Variants in ATRNL1 observed in about 807,000 individuals in gnomAD.
The protein encoded by ATRNL1 is attractin like 1, also known as attractin-like protein 1.
Under a neutral mutation model 182.7 loss-of-function variants are expected in ATRNL1, and 95 were observed. The observed-to-expected ratio is 0.52, with a 90% CI of 0.44 to 0.62. The LOEUF is 0.62. Ranked by LOEUF, ATRNL1 falls within the 20% of genes least tolerant of loss-of-function variation. ATRNL1 has a pLI of 0.00. For missense variants in ATRNL1, 1,471 were observed against 1,679.5 expected (o/e 0.88, Z 2.17); for synonymous variants, 576 against 568.3 (o/e 1.01, Z -0.19).
intron 19 of ATRNL1, among the ~76,000 whole-genome samples, chr10:115,348,410 C>G (rs182436132): frequency 3.9e-4 from 60 of 152,134 alleles, no homozygotes; most frequent in African/African-American, 1.4e-3. Flanking sequence ...CTCCCTAATC[C>G]TAGCTATTAT....
intron 10 of ATRNL1, among the ~76,000 whole-genome samples, chr10:115,247,123 G>A (rs183447823): frequency 2.6e-5 from 4 of 152,108 alleles, no homozygotes; most frequent in Admixed American, 1.3e-4. Flanking sequence ...GCAAAAGGCC[G>A]CAACAGCACA....
At chr10:115,227,558 C>T (rs1455739867) in intron 9 of ATRNL1, among the ~76,000 whole-genome samples, 1 of 152,154 alleles carries the variant, frequency 6.6e-6, no homozygotes, top group African/African-American at 2.4e-5. Context: ...AATCCCATTA[C>T]TGGGTATATG....
chr10:115,697,221 A>C (rs565691869), intron 26 of ATRNL1, among the ~76,000 whole-genome samples: 2 of 152,096 alleles, frequency 1.3e-5, no homozygotes, highest in African/African-American at 4.8e-5. Flanking sequence ...AAAAGTGTTC[A>C]TGTCCTTTGC....
rs78540860 is a variant in ATRNL1 at position 115,413,562 on chromosome 10, T to C, written c.3270-12688T>C. ...ATGGACTCATGAATTCCTGTTTTTT[T>C]CCCAATGATTTATAATTCACTAATG... On this transcript the variant is annotated intron_variant, in intron 20 of 28. Transcript: ENST00000355044. Among the ~76,000 whole-genome samples the C allele has an allele frequency of 3.7e-3, 569 of 152,254 alleles. 2 individuals carry two copies. The highest frequency in any genetic ancestry group is 6.4e-3 in the Non-Finnish European group (434 of 67,976).
intron 26 of ATRNL1, among the ~76,000 whole-genome samples, chr10:115,607,055 T>C (rs999436944): frequency 2.6e-5 from 4 of 151,992 alleles, no homozygotes; most frequent in African/African-American, 9.7e-5. Context: ...TTACTCAAGG[T>C]CAAAATGATG....
intron 8 of ATRNL1, among the ~76,000 whole-genome samples, chr10:115,186,628 T>C (rs1236597339): frequency 6.6e-6 from 1 of 152,112 alleles, no homozygotes; most frequent in Non-Finnish European, 1.5e-5. Context: ...TTCTCACTTA[T>C]TTGTGGGAGC....
At chr10:115,501,816 G>A (rs937711060) in intron 24 of ATRNL1, among the ~76,000 whole-genome samples, 1 of 152,122 alleles carries the variant, frequency 6.6e-6, no homozygotes, top group East Asian at 1.9e-4. Flanking sequence ...TTCAGTCCAT[G>A]CAGTTAATTC....
At chr10:115,113,551 T>C (rs1349879799) in intron 1 of ATRNL1, among the ~76,000 whole-genome samples, 2 of 152,162 alleles carry the variant, frequency 1.3e-5, no homozygotes, top group Non-Finnish European at 2.9e-5. Flanking sequence ...GTTCTCATGA[T>C]AGTGAATAAG....
intron 25 of ATRNL1, among the ~76,000 whole-genome samples, chr10:115,548,726 T>C (rs1852804942): frequency 6.6e-6 from 1 of 152,190 alleles, no homozygotes; most frequent in African/African-American, 2.4e-5. Flanking sequence ...TGTATGAACA[T>C]TGTAACTGAC....
intron 8 of ATRNL1, among the ~76,000 whole-genome samples, chr10:115,189,974 AC>A: frequency 6.6e-6 from 1 of 152,260 alleles, no homozygotes; most frequent in East Asian, 1.9e-4. Context: ...ATGTTTAGAT[AC>A]ACAAATACCG....
intron 28 of ATRNL1, among the ~76,000 whole-genome samples, chr10:115,887,903 A>C (rs568315524): frequency 1.3e-5 from 2 of 152,066 alleles, no homozygotes; most frequent in Non-Finnish European, 2.9e-5. Context: ...TATCTTCTGA[A>C]CTGGCCCCCC....
chr10:115,793,927 T>C (rs543085860), intron 27 of ATRNL1, among the ~76,000 whole-genome samples: 5 of 152,242 alleles, frequency 3.3e-5, no homozygotes, highest in Admixed American at 1.3e-4. Context: ...ACTCTAAACA[T>C]GTTGATTTTA....
In ATRNL1 at chr10:115,246,776, G is replaced by C. The variant is rs1454886316; in HGVS notation, c.1687+5051G>C. Among the ~76,000 whole-genome samples the C allele has an allele frequency of 4.3e-4, 29 of 67,940 alleles. 9 individuals are homozygous for C. The East Asian group carries it at 8.2e-3, about 19-fold the overall frequency. The allele number at this position is 67,940 out of a possible 152,430, so 44.6% of individuals were successfully genotyped here. A position where few individuals can be genotyped will look rare whatever the true frequency, so the allele number is the denominator to read the frequency against. On this transcript the variant is annotated intron_variant, in intron 10 of 28. Transcript: ENST00000355044. ...GGGGTTTCACCTTGTTAGCCAGGAT[G>C]GTCTCGATCTCCTGACCTCATGATC... is the stretch of plus-strand genomic sequence containing the variant.
intron 26 of ATRNL1, among the ~76,000 whole-genome samples, chr10:115,553,210 G>A (rs1047016535): frequency 6.6e-6 from 1 of 151,142 alleles, no homozygotes; most frequent in African/African-American, 2.4e-5. Context: ...GTTACAAGAA[G>A]TTAATTTTTT....
At chr10:115,639,467 C>T (rs111686078) in intron 26 of ATRNL1, among the ~76,000 whole-genome samples, 1 of 152,332 alleles carries the variant, frequency 6.6e-6, no homozygotes, top group African/African-American at 2.4e-5. Context: ...TGGCTATCCT[C>T]TTCCTCATGA....
chr10:115,476,314 T>G (rs1160354377), intron 24 of ATRNL1, among the ~76,000 whole-genome samples: 1 of 151,354 alleles, frequency 6.6e-6, no homozygotes, highest in African/African-American at 2.4e-5. Context: ...TTAAGGCTTG[T>G]TTTTGGCATA....
At chr10:115,313,675 A>G (rs1033049954) in intron 17 of ATRNL1, among the ~76,000 whole-genome samples, 1 of 152,228 alleles carries the variant, frequency 6.6e-6, no homozygotes, top group African/African-American at 2.4e-5. Context: ...AGCAGGTATC[A>G]TGATCCTTTC....
At chr10:115,217,870 C>T (rs1484509859) in intron 9 of ATRNL1, among the ~76,000 whole-genome samples, 3 of 151,944 alleles carry the variant, frequency 2.0e-5, no homozygotes, top group Non-Finnish European at 2.9e-5. Flanking sequence ...TTGATTTTTT[C>T]ATTATCCTTA....
chr10:115,678,117 T>C (rs1287796441), intron 26 of ATRNL1, among the ~76,000 whole-genome samples: 1 of 152,128 alleles, frequency 6.6e-6, no homozygotes, highest in Non-Finnish European at 1.5e-5. Context: ...CTTTGGCTGA[T>C]TTATATAACA....
Sources: allele counts gnomAD v4.1 joint callset (sites outside exome capture counted in the v4.1 genomes callset), GRCh38; gene constraint gnomAD v4.1.1; transcripts MANE v1.5; gene names NCBI Gene and HGNC (gene_info 2026-07-23, HGNC 2026-07-21).